SLC38A4: variants seen among roughly 807,000 people sequenced by gnomAD.
SLC38A4 encodes the protein solute carrier family 38 member 4, also known as sodium-coupled neutral amino acid transporter 4.
A neutral mutation model predicts 63.1 loss-of-function variants in SLC38A4; 20 were observed. The observed-to-expected ratio is 0.32, with a 90% CI of 0.22 to 0.46. SLC38A4 has a LOEUF of 0.46. SLC38A4 is among the 20% of genes least tolerant of loss of function. The pLI is 1.00. For missense variants in SLC38A4, 526 were observed against 663.6 expected (o/e 0.79, Z 2.28); for synonymous variants, 230 against 225.5 (o/e 1.02, Z -0.18).
At chr12:46,781,558 T>G (rs1182042772) in intron 7 of SLC38A4, among the ~76,000 whole-genome samples, 3 of 152,026 alleles carry the variant, frequency 2.0e-5, no homozygotes, top group Non-Finnish European at 4.4e-5. Flanking sequence ...TTTTAGGGGA[T>G]TGAGAAAATT....
chr12:46,828,232 G>T (rs1260227432), upstream of SLC38A4, among the ~76,000 whole-genome samples: 1 of 152,124 alleles, frequency 6.6e-6, no homozygotes, highest in Non-Finnish European at 1.5e-5. Context: ...GTCTTGAAAT[G>T]TTCTCTGACC....
In SLC38A4 at chr12:46,766,399, A is replaced by G. The variant is rs1254984799; in HGVS notation, c.*302T>C. On this transcript the variant is annotated 3_prime_UTR_variant, in exon 17 of 17. Transcript: ENST00000266579. The stretch of plus-strand genomic sequence containing the variant: ...AAGAGTACTATCTGATGATTGTTAC[A>G]TGCAGTTACCCTTATTCTGCTCGTA... 6.0e-6 allele frequency: 3 copies of G among 502,992 alleles called. No individual in the cohort carries two copies. Among genetic ancestry groups the G allele is most frequent in the Non-Finnish European group, 1.2e-5 (3 of 258,150 alleles). The allele number at this position is 502,992 out of a possible 1,614,324, so 31.2% of individuals were successfully genotyped here.
intron 3 of SLC38A4, 102 bp from the exon 4 acceptor site, chr12:46,788,720 G>A (rs2120816670): frequency 9.4e-7 from 1 of 1,063,108 alleles, no homozygotes; most frequent in African/African-American, 1.6e-5. Flanking sequence ...TCAGAGGAGG[G>A]GAAATAAGAC....
At chr12:46,815,755 T>C (rs1939430703) in intron 1 of SLC38A4, among the ~76,000 whole-genome samples, 1 of 151,910 alleles carries the variant, frequency 6.6e-6, no homozygotes, top group Admixed American at 6.6e-5. Context: ...AAAAATCAGA[T>C]GACAAATTTA....
At chr12:46,802,486 A>G (rs12819255) in intron 2 of SLC38A4, among the ~76,000 whole-genome samples, 1 of 152,062 alleles carries the variant, frequency 6.6e-6, no homozygotes, top group Non-Finnish European at 1.5e-5. Flanking sequence ...AGCACACTGT[A>G]TAACATGTTT....
chr12:46,803,517 TTTAA>T (rs1358508614), intron 2 of SLC38A4, 82 bp downstream of exon 2: 3 of 152,014 alleles, frequency 2.0e-5, no homozygotes, highest in Non-Finnish European at 2.9e-5. Flanking sequence ...CATTTTAATT[TTTAA>T]TTAATAAACA....
intron 2 of SLC38A4, among the ~76,000 whole-genome samples, chr12:46,798,067 T>C (rs1939054640): frequency 6.6e-6 from 1 of 152,166 alleles, no homozygotes; most frequent in African/African-American, 2.4e-5. Flanking sequence ...GCTACCATCA[T>C]GTCTACTGTA....
At chr12:46,804,787 T>C (rs539109322) in intron 1 of SLC38A4, among the ~76,000 whole-genome samples, 1 of 152,176 alleles carries the variant, frequency 6.6e-6, no homozygotes, top group South Asian at 2.1e-4. Flanking sequence ...AGTTACCCCA[T>C]AGTTTTGTCT....
chr12:46,786,141 A>G (rs538269665), intron 5 of SLC38A4, among the ~76,000 whole-genome samples: 1 of 152,144 alleles, frequency 6.6e-6, no homozygotes, highest in East Asian at 1.9e-4. Context: ...ACTTATTCCT[A>G]TATTTTTCCA....
intron 14 of SLC38A4, among the ~76,000 whole-genome samples, chr12:46,772,580 G>T (rs1938441750): frequency 6.6e-6 from 1 of 151,980 alleles, no homozygotes; most frequent in African/African-American, 2.4e-5. Flanking sequence ...AAGAAATGTT[G>T]GGCTGCTAGT....
intron 1 of SLC38A4, among the ~76,000 whole-genome samples, chr12:46,818,479 T>TC (rs1939483112): frequency 6.6e-6 from 1 of 151,936 alleles, no homozygotes; most frequent in African/African-American, 2.4e-5. Flanking sequence ...AGTGTTATAA[T>TC]CTAGACCCCA....
chr12:46,817,877 G>A (rs1161202446), intron 1 of SLC38A4, among the ~76,000 whole-genome samples: 2 of 151,670 alleles, frequency 1.3e-5, no homozygotes, highest in African/African-American at 4.8e-5. Flanking sequence ...AAATTACTTA[G>A]ATATACTAAT....
rs1491492811 is a variant in SLC38A4, at chr12:46,807,898, C to CG, written c.-304-4105_-304-4104insC. Among the ~76,000 whole-genome samples the CG allele has an allele frequency of 2.8e-4, 42 of 150,088 alleles. No individual in the cohort carries two copies. The East Asian group carries it at 5.9e-3, about 21-fold the overall frequency. On this transcript the variant is annotated intron_variant, in intron 1 of 16. Transcript: ENST00000266579. Reference sequence around the variant, plus strand: ...GAGATAATTAAATGTTACCCCCCCCCCCAAAGCCACATATAAAATTAATTG... The same window carrying CG: ...GAGATAATTAAATGTTACCCCCCCCCGCCAAAGCCACATATAAAATTAATTG...
chr12:46,824,607 G>A (rs1459636821), intron 1 of SLC38A4, among the ~76,000 whole-genome samples: 2 of 152,132 alleles, frequency 1.3e-5, no homozygotes, highest in Non-Finnish European at 1.5e-5. Context: ...TCAATAACTT[G>A]CATGGATCTC....
At chr12:46,788,957 A>T (rs938238692) in intron 3 of SLC38A4, among the ~76,000 whole-genome samples, 1 of 152,222 alleles carries the variant, frequency 6.6e-6, no homozygotes, top group African/African-American at 2.4e-5. Flanking sequence ...GAAAGAGTAC[A>T]GGGTTATGAC....
chr12:46,809,702 A>G (rs990442535), intron 1 of SLC38A4, among the ~76,000 whole-genome samples: 1 of 152,126 alleles, frequency 6.6e-6, no homozygotes, highest in African/African-American at 2.4e-5. Context: ...CTTTAAATAT[A>G]GGAAAAATAA....
intron 1 of SLC38A4, among the ~76,000 whole-genome samples, chr12:46,831,743 T>G (rs532743638): frequency 6.6e-6 from 1 of 152,164 alleles, no homozygotes; most frequent in African/African-American, 2.4e-5. Flanking sequence ...TTCCACCCAG[T>G]GTCCCCGACC....
chr12:46,792,946 C>G lies in SLC38A4; in HGVS notation c.119+7G>C. 1.2e-6 allele frequency: 2 copies of G among 1,603,226 alleles called. No homozygotes were observed. The highest frequency in any genetic ancestry group is 1.7e-4 in the Middle Eastern group (1 of 6,022). On this transcript the variant is annotated splice_region_variant and intron_variant, in intron 3 of 16. Transcript: ENST00000266579. ...TCCATGGAACATAGTAATTTTTAAC[C>G]CCATACCTGCTCATTGCTGCCTTTT...
intron 12 of SLC38A4, among the ~76,000 whole-genome samples, chr12:46,777,525 A>G (rs1164497437): frequency 1.3e-5 from 2 of 152,038 alleles, no homozygotes; most frequent in Non-Finnish European, 2.9e-5. Context: ...AAGACATCAA[A>G]ATACTTGAAA....
Sources: allele counts gnomAD v4.1 joint callset (sites outside exome capture counted in the v4.1 genomes callset), GRCh38; gene constraint gnomAD v4.1.1; transcripts MANE v1.5; gene names NCBI Gene and HGNC (gene_info 2026-07-23, HGNC 2026-07-21).